The following AGAP1 variants were observed in gnomAD, a reference collection of about 807,000 sequenced individuals.
AGAP1 encodes the protein ArfGAP with GTPase domain, ankyrin repeat and PH domain 1.
AGAP1 carries 29 observed loss-of-function variants against 105.3 expected under a neutral mutation model. The ratio of observed to expected loss-of-function variants is 0.28; its 90% CI spans 0.21 to 0.38. The LOEUF (loss-of-function observed/expected upper bound fraction) is 0.38. Among genes scored for constraint, AGAP1 ranks in the 10% least tolerant of loss-of-function variants. The probability of loss-of-function intolerance (pLI) is 1.00; values close to 1 mark genes in which losing one functional copy is unlikely to be tolerated. For synonymous variants in AGAP1, 509 were observed against 485.9 expected, an observed-to-expected ratio of 1.05 and a Z score of -0.63; for missense variants, 998 against 1,165.1, an observed-to-expected ratio of 0.86 and a Z score of 2.09.
rs1037834903 is a variant in AGAP1 at position 235,881,153 on chromosome 2, A to G, written c.1051-2192A>G. On this transcript the variant is annotated intron_variant, in intron 9 of 17. Coordinates refer to ENST00000304032, the MANE Select transcript of AGAP1 (RefSeq NM_001037131.3). ...TGATTGCAGCCCCAAGCTGGCTCAT[A>G]CTTTATTAAGTTTGTGAAACTTGGT... Among the ~76,000 whole-genome samples the G allele has an allele frequency of 7.2e-5, 11 of 152,320 alleles. No individual in the cohort carries two copies. The East Asian group carries it at 7.7e-4, about 11-fold the overall frequency.
rs765546619 is a variant in AGAP1 at position 235,659,280 on chromosome 2, G to T, written c.164-49899G>T. Among the ~76,000 whole-genome samples, 2 of 152,060 alleles carry T rather than the reference G, an allele frequency of 1.3e-5. No homozygotes were observed. Among genetic ancestry groups the T allele is most frequent in the Non-Finnish European group, 2.9e-5 (2 of 68,010 alleles). On this transcript the variant is annotated intron_variant, in intron 1 of 17. Coordinates refer to ENST00000304032, the MANE Select transcript of AGAP1 (RefSeq NM_001037131.3). This position sits in a 1 kb window ranked among gnomAD's most constrained non-coding sequence, Gnocchi z 5.0. ...ATGTCTTTCTATGTCTGTAAAATCG[G>T]GATAATAATAGTACCTACCTCTCTG...
intron 6 of AGAP1, among the ~76,000 whole-genome samples, chr2:235,755,321 A>C (rs1953829897): frequency 6.7e-6 from 1 of 149,144 alleles, no homozygotes; most frequent in African/African-American, 2.4e-5. Context: ...GTTTGGCATT[A>C]AATTTTTCAA....
chr2:236,034,781 C>T (rs569452784), intron 13 of AGAP1, among the ~76,000 whole-genome samples: 1 of 152,344 alleles, frequency 6.6e-6, no homozygotes, highest in South Asian at 2.1e-4. Flanking sequence ...ACAGCACTTT[C>T]CTGCAGCCCC....
intron 13 of AGAP1, among the ~76,000 whole-genome samples, chr2:235,990,027 A>G (rs2055493882): frequency 6.6e-6 from 1 of 152,140 alleles, no homozygotes; most frequent in Admixed American, 6.5e-5. Context: ...ATTCAGACTC[A>G]TAAAAATGTG....
chr2:235,736,475 G>A lies in AGAP1; in HGVS notation c.311-4488G>A, dbSNP rs887737998. The stretch of plus-strand genomic sequence containing the variant: ...GTGCACCAGGTGCTGGGAGGATACC[G>A]GTGGGCGAACCAGACCTGCAGGAAA... On this transcript the variant is annotated intron_variant, in intron 3 of 17. Coordinates refer to ENST00000304032, the MANE Select transcript of AGAP1 (RefSeq NM_001037131.3). This position sits in a 1 kb window ranked among gnomAD's most constrained non-coding sequence, Gnocchi z 5.5. 6.6e-6 allele frequency among the ~76,000 whole-genome samples: 1 copy of A among 152,274 alleles called. No individual in the cohort carries two copies. The highest frequency in any genetic ancestry group is 1.9e-4 in the East Asian group (1 of 5,178).
chr2:236,057,589 C>T (rs996214809), intron 16 of AGAP1, among the ~76,000 whole-genome samples: 1 of 152,072 alleles, frequency 6.6e-6, no homozygotes, highest in Non-Finnish European at 1.5e-5. Context: ...TAACCACATC[C>T]TGCTCATGTC....
At chr2:235,987,255 C>T (rs1185744095) in intron 13 of AGAP1, among the ~76,000 whole-genome samples, 1 of 151,812 alleles carries the variant, frequency 6.6e-6, no homozygotes, top group Non-Finnish European at 1.5e-5. Flanking sequence ...AGAAATTTAT[C>T]CATTTCTTCT....
At chr2:236,098,622 T>C (rs1459394810) in intron 16 of AGAP1, among the ~76,000 whole-genome samples, 1 of 7,980 alleles carries the variant, frequency 1.3e-4, no homozygotes, top group Non-Finnish European at 2.9e-3. Context: ...TTTTTTTCCT[T>C]TTTTTTTTTT....
At chr2:236,060,819 G>T (rs1431476551) in intron 16 of AGAP1, among the ~76,000 whole-genome samples, 1 of 152,068 alleles carries the variant, frequency 6.6e-6, no homozygotes, top group Non-Finnish European at 1.5e-5. Context: ...CCCAGCATGT[G>T]GGGAGGCTGA....
intron 16 of AGAP1, among the ~76,000 whole-genome samples, chr2:236,060,544 G>A (rs2058161983): frequency 6.6e-6 from 1 of 151,866 alleles, no homozygotes; most frequent in African/African-American, 2.4e-5. Flanking sequence ...AAAAACATTA[G>A]CCAGGTATGG....
rs1272701439 is a variant in AGAP1, at chr2:235,614,091, T to C, written c.164-95088T>C. On this transcript the variant is annotated intron_variant, in intron 1 of 17. Coordinates refer to ENST00000304032, the MANE Select transcript of AGAP1 (RefSeq NM_001037131.3). The surrounding 1 kb of genome is among the most constrained non-coding windows in gnomAD (Gnocchi z 4.7). ...TCTTGCGTGGTATCTGTTCATATAT[T>C]GATTCACCAAATATTGATTGTACAT... Among the ~76,000 whole-genome samples the C allele has an allele frequency of 5.9e-5, 9 of 152,166 alleles. No homozygotes were observed. Among genetic ancestry groups the C allele is most frequent in the Non-Finnish European group, 2.9e-5 (2 of 68,022 alleles).
At chr2:236,107,135 C>A (rs879569638) in intron 16 of AGAP1, among the ~76,000 whole-genome samples, 1 of 130,286 alleles carries the variant, frequency 7.7e-6, no homozygotes, top group South Asian at 2.8e-4. Flanking sequence ...CCAGCGGATT[C>A]TCCTGCGGAA....
intron 12 of AGAP1, among the ~76,000 whole-genome samples, chr2:235,944,366 T>A (rs2053398460): frequency 6.6e-6 from 1 of 152,250 alleles, no homozygotes; most frequent in South Asian, 2.1e-4. Flanking sequence ...GTTATCTTTT[T>A]AGGTACTCTA....
At chr2:235,679,059 A>G (rs1189225980) in intron 1 of AGAP1, among the ~76,000 whole-genome samples, 1 of 152,234 alleles carries the variant, frequency 6.6e-6, no homozygotes, top group East Asian at 1.9e-4. Flanking sequence ...GGCGGCAAGA[A>G]AGAAAGAATG....
At chr2:235,561,239 A>G (rs1045867159) in intron 1 of AGAP1, among the ~76,000 whole-genome samples, 4 of 152,138 alleles carry the variant, frequency 2.6e-5, no homozygotes, top group East Asian at 1.9e-4. Context: ...GCTGTTTCCA[A>G]TGTTATTTCC....
chr2:235,568,168 C>T (rs561041470), intron 1 of AGAP1, among the ~76,000 whole-genome samples: 26 of 152,158 alleles, frequency 1.7e-4, no homozygotes, highest in Non-Finnish European at 3.7e-4. Flanking sequence ...GAAAGGAGGC[C>T]CCTGAAGGTG....
rs1195134576 is a variant in AGAP1, at chr2:235,559,394, C to G, written c.163+64545C>G. Among the ~76,000 whole-genome samples, 1 of 152,174 alleles carries G rather than the reference C, an allele frequency of 6.6e-6. No individual in the cohort carries two copies. Among genetic ancestry groups the G allele is most frequent in the Non-Finnish European group, 1.5e-5 (1 of 68,036 alleles). On this transcript the variant is annotated intron_variant, in intron 1 of 17. Coordinates refer to ENST00000304032, the MANE Select transcript of AGAP1 (RefSeq NM_001037131.3). The surrounding 1 kb of genome is among the most constrained non-coding windows in gnomAD (Gnocchi z 5.7). ...AAGCCAGAGGCGTCTGTGATGAGCG[C>G]CTGCAGACGCTGGTGGGTGCTTGCC...
At chr2:236,067,169 G>T (rs1383147426) in intron 16 of AGAP1, among the ~76,000 whole-genome samples, 2 of 151,970 alleles carry the variant, frequency 1.3e-5, no homozygotes, top group African/African-American at 4.8e-5. Flanking sequence ...CTGGCTTGCT[G>T]TGTGACCCGG....
intron 10 of AGAP1, among the ~76,000 whole-genome samples, chr2:235,884,007 A>C (rs2050151083): frequency 6.6e-6 from 1 of 152,242 alleles, no homozygotes; most frequent in African/African-American, 2.4e-5. Context: ...TATAAACAAA[A>C]TTAACTTTAT....
Sources: allele counts gnomAD v4.1 joint callset (sites outside exome capture counted in the v4.1 genomes callset), GRCh38; gene constraint gnomAD v4.1.1; non-coding constraint Gnocchi (gnomAD v3.1); transcripts MANE v1.5; gene names NCBI Gene and HGNC (gene_info 2026-07-23, HGNC 2026-07-21).